Variants in ST8SIA5 observed in about 807,000 individuals in gnomAD.
ST8SIA5 encodes alpha-2,8-sialyltransferase 8E.
Under a neutral mutation model 40.2 loss-of-function variants are expected in ST8SIA5, and 24 were observed. That is an observed-to-expected ratio of 0.60 (90% CI 0.43 to 0.84). The LOEUF is 0.84. ST8SIA5 is among the 40% of genes least tolerant of loss of function. ST8SIA5 has a pLI of 0.00. For synonymous variants in ST8SIA5, 198 were observed against 201.8 expected (o/e 0.98, Z 0.16); for missense variants, 465 against 498.5 (o/e 0.93, Z 0.64).
intron 1 of ST8SIA5, among the ~76,000 whole-genome samples, chr18:46,710,809 G>A (rs1211412411): frequency 1.3e-5 from 2 of 151,972 alleles, no homozygotes; most frequent in Admixed American, 1.3e-4. Context: ...CCTTTCTTGG[G>A]GGCAACAGTA....
At chr18:46,736,249 A>G (rs1487400770) in intron 1 of ST8SIA5, among the ~76,000 whole-genome samples, 2 of 152,230 alleles carry the variant, frequency 1.3e-5, no homozygotes, top group Non-Finnish European at 2.9e-5. Context: ...AGTGCTCAGT[A>G]GTCACATGGG....
chr18:46,728,840 C>T (rs2039957912), intron 1 of ST8SIA5, among the ~76,000 whole-genome samples: 1 of 152,134 alleles, frequency 6.6e-6, no homozygotes, highest in African/African-American at 2.4e-5. Flanking sequence ...TTCATGCCTT[C>T]CCTGTCCAAC....
intron 1 of ST8SIA5, among the ~76,000 whole-genome samples, chr18:46,742,405 C>T (rs1433664772): frequency 7.0e-6 from 1 of 142,920 alleles, no homozygotes; most frequent in East Asian, 2.0e-4. Flanking sequence ...AGATATGACA[C>T]CTAAAGCACA....
chr18:46,749,121 A>G (rs78656163), intron 1 of ST8SIA5, among the ~76,000 whole-genome samples: 11,178 of 152,284 alleles, frequency 0.073, 758 homozygotes, highest in East Asian at 0.31. Flanking sequence ...ACAACATAGC[A>G]TATGATTCCA....
In ST8SIA5 at chr18:46,674,453, G is replaced by A. The variant is rs1486232391; in HGVS notation, c.*5589C>T. 6.6e-6 allele frequency: 1 copy of A among 152,162 alleles called. No homozygotes were observed. 9.4% of individuals were successfully genotyped at this position (152,162 alleles called of 1,614,324 possible). On this transcript the variant is annotated 3_prime_UTR_variant, in exon 7 of 7. Transcript: ENST00000315087. ...TGTGCTAGGTAAAAAAATCAATAGA[G>A]GACTCTCCTCAGCTGACAATTTCCC...
intron 1 of ST8SIA5, among the ~76,000 whole-genome samples, chr18:46,752,331 A>C (rs1431660994): frequency 6.6e-6 from 1 of 151,896 alleles, no homozygotes; most frequent in Non-Finnish European, 1.5e-5. Flanking sequence ...CTCCCTGGAG[A>C]CCCTGGACTG....
chr18:46,747,644 A>G (rs941886669), intron 1 of ST8SIA5, among the ~76,000 whole-genome samples: 2 of 152,224 alleles, frequency 1.3e-5, no homozygotes, highest in Non-Finnish European at 2.9e-5. Flanking sequence ...TAGTTCAATG[A>G]TTGTGGAAGA....
intron 1 of ST8SIA5, among the ~76,000 whole-genome samples, chr18:46,708,253 T>G (rs1490748909): frequency 6.6e-6 from 1 of 152,188 alleles, no homozygotes; most frequent in East Asian, 1.9e-4. Flanking sequence ...GAGTCAGGGA[T>G]GAACAACTCG....
chr18:46,684,615 C>T (rs328131), intron 5 of ST8SIA5, among the ~76,000 whole-genome samples: 31,825 of 152,092 alleles, frequency 0.21, 3,793 homozygotes, highest in Middle Eastern at 0.28. Context: ...AACCACTATA[C>T]GCTCCACTTC....
intron 1 of ST8SIA5, among the ~76,000 whole-genome samples, chr18:46,755,413 T>C (rs2040233176): frequency 6.6e-6 from 1 of 152,172 alleles, no homozygotes; most frequent in Admixed American, 6.5e-5. Context: ...AGGGAGACAC[T>C]AGCAGCAAAC....
At chr18:46,704,954 A>G (rs1231637800) in intron 1 of ST8SIA5, among the ~76,000 whole-genome samples, 1 of 152,206 alleles carries the variant, frequency 6.6e-6, no homozygotes, top group East Asian at 1.9e-4. Context: ...TTTGGTTCCA[A>G]GTTTGTGGCT....
Position 46,704,525 on chromosome 18 carries a change from C to T in ST8SIA5, c.224+47G>A, listed in dbSNP as rs536700547. ...CCACGCACTCACCCCCAACCCCTGC[C>T]CCACCTCCACATGCTCCCTGCACCC... On this transcript the variant is annotated intron_variant, in intron 2 of 6. Transcript: ENST00000315087. 1.2e-5 allele frequency: 18 copies of T among 1,544,790 alleles called. No homozygotes were observed. In the Admixed American group the frequency reaches 2.0e-4, roughly 17 times the overall value.
intron 1 of ST8SIA5, among the ~76,000 whole-genome samples, chr18:46,715,749 T>A (rs1019692086): frequency 6.6e-5 from 10 of 151,992 alleles, no homozygotes; most frequent in Admixed American, 1.3e-4. Flanking sequence ...CTAGCTATTT[T>A]TTTTTATTTT....
chr18:46,738,455 C>T (rs1303443992), intron 1 of ST8SIA5, among the ~76,000 whole-genome samples: 1 of 152,126 alleles, frequency 6.6e-6, no homozygotes. Context: ...TTAAAGAGGT[C>T]CTCATTCTCA....
At chr18:46,711,635 G>A (rs1006319842) in intron 1 of ST8SIA5, among the ~76,000 whole-genome samples, 9 of 152,188 alleles carry the variant, frequency 5.9e-5, no homozygotes, top group African/African-American at 1.9e-4. Flanking sequence ...CACACGACCC[G>A]TCACAGCAAA....
At chr18:46,692,357 GTCCT>G in intron 2 of ST8SIA5, 102 bp from the exon 3 acceptor site, 1 of 1,009,272 alleles carries the variant, frequency 9.9e-7, no homozygotes, top group Middle Eastern at 2.4e-4. Flanking sequence ...GCCAAGTCCA[GTCCT>G]GGGGCTGGCC....
chr18:46,683,920 T>C (rs1393467306), intron 5 of ST8SIA5, among the ~76,000 whole-genome samples: 11 of 152,026 alleles, frequency 7.2e-5, no homozygotes, highest in Non-Finnish European at 1.5e-5. Context: ...TGCTATTAGG[T>C]GGTCAAGGCA....
intron 1 of ST8SIA5, among the ~76,000 whole-genome samples, chr18:46,705,874 C>A (rs979553608): frequency 1.3e-5 from 2 of 152,244 alleles, no homozygotes; most frequent in Non-Finnish European, 2.9e-5. Flanking sequence ...AATTAGGCAT[C>A]GCTCAAGCAT....
chr18:46,681,021 G>T (rs1249938050), intron 6 of ST8SIA5, among the ~76,000 whole-genome samples: 1 of 152,234 alleles, frequency 6.6e-6, no homozygotes, highest in African/African-American at 2.4e-5. Context: ...ATCCAGGCTG[G>T]AGTGCAGTGG....
Sources: allele counts gnomAD v4.1 joint callset (sites outside exome capture counted in the v4.1 genomes callset), GRCh38; gene constraint gnomAD v4.1.1; transcripts MANE v1.5; gene names NCBI Gene and HGNC (gene_info 2026-07-23, HGNC 2026-07-21).